Variants in RAPGEF4 observed in about 807,000 individuals in gnomAD.
RAPGEF4 encodes the protein RAP guanine-nucleotide-exchange factor (GEF) 4.
In RAPGEF4, 66 loss-of-function variants were observed where a neutral mutation model predicts 147.9. That is an observed-to-expected ratio of 0.45 (90% CI 0.37 to 0.55). The LOEUF (loss-of-function observed/expected upper bound fraction) is 0.55, where lower values mean the gene tolerates loss of function less well. Ranked by LOEUF, RAPGEF4 falls within the 20% of genes least tolerant of loss-of-function variation. The probability of loss-of-function intolerance (pLI) is 0.00; values close to 1 mark genes in which losing one functional copy is unlikely to be tolerated. For missense variants in RAPGEF4, 1,071 were observed against 1,257.3 expected (o/e 0.85, Z 2.24); for synonymous variants, 419 against 442.7 (o/e 0.95, Z 0.67).
intron 4 of RAPGEF4, among the ~76,000 whole-genome samples, chr2:172,841,724 T>A (rs1188512236): frequency 2.0e-5 from 3 of 151,952 alleles, no homozygotes; most frequent in Admixed American, 6.6e-5. Flanking sequence ...AATGGCCGTT[T>A]AGGATTTAAT....
At chr2:172,856,497 C>G (rs567527081) in intron 4 of RAPGEF4, among the ~76,000 whole-genome samples, 1 of 152,238 alleles carries the variant, frequency 6.6e-6, no homozygotes, top group Admixed American at 6.5e-5. Context: ...TTGGAATGTA[C>G]TCTGGACATT....
chr2:172,977,346 C>A (rs141255392), intron 10 of RAPGEF4, among the ~76,000 whole-genome samples: 1 of 152,126 alleles, frequency 6.6e-6, no homozygotes, highest in African/African-American at 2.4e-5. Flanking sequence ...CCACTGTTTG[C>A]CAAGAGAAAC....
chr2:172,888,057 A>G (rs867474583), intron 4 of RAPGEF4, among the ~76,000 whole-genome samples: 2 of 152,176 alleles, frequency 1.3e-5, no homozygotes, highest in Non-Finnish European at 2.9e-5. Context: ...TTAATTCTGC[A>G]TCTTCCGTGC....
intron 1 of RAPGEF4, among the ~76,000 whole-genome samples, chr2:172,777,328 G>A (rs993792400): frequency 6.6e-6 from 1 of 151,714 alleles, no homozygotes; most frequent in Non-Finnish European, 1.5e-5. Context: ...CTATAATCCA[G>A]ACATTGTTCT....
At chr2:172,978,191 T>C (rs1691292724) in intron 10 of RAPGEF4, among the ~76,000 whole-genome samples, 2 of 143,780 alleles carry the variant, frequency 1.4e-5, no homozygotes, top group Non-Finnish European at 3.0e-5. Context: ...GCAGATGTAG[T>C]GGTCACACCC....
intron 4 of RAPGEF4, among the ~76,000 whole-genome samples, chr2:172,899,046 T>G (rs987541589): frequency 3.6e-4 from 55 of 152,364 alleles, no homozygotes; most frequent in African/African-American, 1.2e-3. Context: ...AGTATTATTT[T>G]TAAAACACCA....
At chr2:172,947,782 C>T (rs146226877) in intron 6 of RAPGEF4, among the ~76,000 whole-genome samples, 2 of 152,004 alleles carry the variant, frequency 1.3e-5, no homozygotes, top group African/African-American at 4.8e-5. Context: ...AGTTCTAAAT[C>T]AAGCTTTTTC....
intron 4 of RAPGEF4, among the ~76,000 whole-genome samples, chr2:172,830,890 C>T (rs1574974468): frequency 6.6e-6 from 1 of 152,098 alleles, no homozygotes; most frequent in East Asian, 1.9e-4. Context: ...AAGTATGCTT[C>T]TCACCCTCCC....
chr2:172,830,681 G>A (rs1019484450), intron 4 of RAPGEF4, among the ~76,000 whole-genome samples: 1 of 152,186 alleles, frequency 6.6e-6, no homozygotes, highest in Non-Finnish European at 1.5e-5. Context: ...ACGGCTCGCT[G>A]TAGTCTTGAC....
At chr2:172,796,948 A>G (rs1574866601) in intron 2 of RAPGEF4, among the ~76,000 whole-genome samples, 1 of 152,206 alleles carries the variant, frequency 6.6e-6, no homozygotes, top group East Asian at 1.9e-4. Flanking sequence ...TATGGGAAGT[A>G]TGGTTCTATC....
intron 29 of RAPGEF4, among the ~76,000 whole-genome samples, chr2:173,045,880 C>G (rs2106075542): frequency 6.6e-6 from 1 of 152,328 alleles, no homozygotes; most frequent in Non-Finnish European, 1.5e-5. Flanking sequence ...AAGTCTCTTT[C>G]AGCAACTCAG....
rs184457794 is a variant in RAPGEF4, at chr2:172,972,104, G to A, written c.1004+4660G>A. 5.2e-3 allele frequency among the ~76,000 whole-genome samples: 792 copies of A among 152,062 alleles called. 4 individuals are homozygous for A. The highest frequency in any genetic ancestry group is 9.1e-3 in the Non-Finnish European group (621 of 67,976). ...AATACTGTGGGCGGGGGTGGGGAGG[G>A]TATTGTTTATCCCTTAATTGGCTGC... On this transcript the variant is annotated intron_variant, in intron 10 of 30. Coordinates refer to ENST00000397081, the MANE Select transcript of RAPGEF4 (RefSeq NM_007023.4).
chr2:172,749,488 T>G (rs1347734549), intron 1 of RAPGEF4, among the ~76,000 whole-genome samples: 6 of 152,180 alleles, frequency 3.9e-5, no homozygotes, highest in Admixed American at 3.9e-4. Context: ...ATAGAGCAGC[T>G]GGGACAGCTG....
At chr2:172,986,356 C>A (rs959937725) in intron 12 of RAPGEF4, among the ~76,000 whole-genome samples, 51 of 152,294 alleles carry the variant, frequency 3.3e-4, no homozygotes, top group African/African-American at 1.1e-3. Context: ...GAAAATCTTG[C>A]TCTTTCTTCA....
At chr2:173,026,943 C>T (rs1225125152) in intron 24 of RAPGEF4, 138 bp from the exon 25 acceptor site, 2 of 862,048 alleles carry the variant, frequency 2.3e-6, no homozygotes, top group Non-Finnish European at 3.4e-6. Flanking sequence ...ATATATTTAA[C>T]AAACCTCATG....
rs74427480 is a variant in RAPGEF4 at position 172,766,522 on chromosome 2, T to A, written c.66-28503T>A. ...AGTCACTGTACTCCAGCCTGGGTGATGGAGTGAGACTCTGTCTCAAAAAAA... is the reference window on the plus strand; with the variant it reads ...AGTCACTGTACTCCAGCCTGGGTGAAGGAGTGAGACTCTGTCTCAAAAAAA... On this transcript the variant is annotated intron_variant, in intron 1 of 30. Coordinates refer to ENST00000397081, the MANE Select transcript of RAPGEF4 (RefSeq NM_007023.4). Among the ~76,000 whole-genome samples the A allele has an allele frequency of 7.0e-3, 1,065 of 152,046 alleles. 15 individuals are homozygous for A. The highest frequency in any genetic ancestry group is 0.024 in the African/African-American group (996 of 41,464).
chr2:172,997,838 T>C (rs983452193), intron 16 of RAPGEF4, among the ~76,000 whole-genome samples: 1 of 152,246 alleles, frequency 6.6e-6, no homozygotes, highest in Non-Finnish European at 1.5e-5. Flanking sequence ...ATCATTATTA[T>C]TATTATATAC....
At chr2:172,903,368 CAAAAAAAAA>C (rs10712221) in intron 4 of RAPGEF4, among the ~76,000 whole-genome samples, 1 of 82,696 alleles carries the variant, frequency 1.2e-5, no homozygotes, top group Admixed American at 1.5e-4. Context: ...GACTCCATCT[CAAAAAAAAA>C]AAAAAAAAAA....
At chr2:172,759,361 G>A (rs995472441) in intron 1 of RAPGEF4, among the ~76,000 whole-genome samples, 2 of 152,220 alleles carry the variant, frequency 1.3e-5, no homozygotes, top group African/African-American at 4.8e-5. Context: ...ATGCAGGTAA[G>A]TGGGAAAGTA....
Sources: allele counts gnomAD v4.1 joint callset (sites outside exome capture counted in the v4.1 genomes callset), GRCh38; gene constraint gnomAD v4.1.1; transcripts MANE v1.5; gene names NCBI Gene and HGNC (gene_info 2026-07-23, HGNC 2026-07-21).